GREM2: variants seen among roughly 807,000 people sequenced by gnomAD.
GREM2 encodes gremlin 2, DAN family BMP antagonist.
A neutral mutation model predicts 14.2 loss-of-function variants in GREM2; 11 were observed. The ratio of observed to expected loss-of-function variants is 0.78; its 90% CI spans 0.49 to 1.28. GREM2 has a LOEUF of 1.28. Among genes scored for constraint, GREM2 ranks in the 50% most tolerant of loss-of-function variants. The pLI, the probability that GREM2 is intolerant of heterozygous loss-of-function variation, is 0.00. For synonymous variants in GREM2, 98 were observed against 97.6 expected, an observed-to-expected ratio of 1.00 and a Z score of -0.02; for missense variants, 210 against 218.5, an observed-to-expected ratio of 0.96 and a Z score of 0.24.
intron 1 of GREM2, among the ~76,000 whole-genome samples, chr1:240,536,724 T>C (rs1469847155): frequency 8.3e-6 from 1 of 120,118 alleles, no homozygotes; most frequent in Non-Finnish European, 1.8e-5. Flanking sequence ...ATCTGTAGAG[T>C]TTAAGACAAA....
At chr1:240,563,001 TATGTGA>T (rs1265224342) in intron 1 of GREM2, among the ~76,000 whole-genome samples, 3 of 130,104 alleles carry the variant, frequency 2.3e-5, no homozygotes, top group African/African-American at 1.2e-4. Context: ...TATGTGTGTA[TATGTGA>T]GTGTATGTGT....
At chr1:240,522,839 G>A (rs779839452) in intron 1 of GREM2, among the ~76,000 whole-genome samples, 8 of 152,074 alleles carry the variant, frequency 5.3e-5, no homozygotes, top group Non-Finnish European at 1.2e-4. Context: ...CAAAGAACAA[G>A]AGGCCACGAA....
At chr1:240,532,209 G>A (rs1267729418) in intron 1 of GREM2, among the ~76,000 whole-genome samples, 3 of 152,046 alleles carry the variant, frequency 2.0e-5, no homozygotes, top group Non-Finnish European at 2.9e-5. Context: ...TCAGTCTCCC[G>A]AATAGCTGGG....
chr1:240,519,584 T>G (rs1678032680), intron 1 of GREM2, among the ~76,000 whole-genome samples: 1 of 152,208 alleles, frequency 6.6e-6, no homozygotes, highest in South Asian at 2.1e-4. Flanking sequence ...GAAAGCATAT[T>G]TGTTTTGATA....
At chr1:240,536,422 T>A (rs937066335) in intron 1 of GREM2, among the ~76,000 whole-genome samples, 2 of 152,074 alleles carry the variant, frequency 1.3e-5, no homozygotes, top group Non-Finnish European at 2.9e-5. Flanking sequence ...CTAAAGAAAA[T>A]GTGCAGGGAT....
intron 1 of GREM2, among the ~76,000 whole-genome samples, chr1:240,539,791 ATC>A (rs1678547072): frequency 6.6e-6 from 1 of 152,226 alleles, no homozygotes; most frequent in Non-Finnish European, 1.5e-5. Flanking sequence ...AGTAATCTAC[ATC>A]TCTGAATTGC....
rs565798490 is a variant in GREM2, at chr1:240,535,129, CAAT to C, written c.-1-41656_-1-41654del. Among the ~76,000 whole-genome samples, 319 of 152,114 alleles carry C rather than the reference CAAT, an allele frequency of 2.1e-3. 1 individual carries two copies. Among genetic ancestry groups the C allele is most frequent in the African/African-American group, 7.4e-3 (306 of 41,502 alleles). On this transcript the variant is annotated intron_variant, in intron 1 of 1. Coordinates refer to ENST00000318160, the MANE Select transcript of GREM2 (RefSeq NM_022469.4). ...TATTAGTTAAATATAATTATAAAGA[CAAT>C]AATAATAAAATTATAGTTGTGAGCA...
chr1:240,553,446 T>A (rs1420409801), intron 1 of GREM2, among the ~76,000 whole-genome samples: 1 of 152,238 alleles, frequency 6.6e-6, no homozygotes, highest in African/African-American at 2.4e-5. Context: ...GGTCCCTACA[T>A]ACTCATCAAT....
chr1:240,541,241 C>T (rs1678579968), intron 1 of GREM2, among the ~76,000 whole-genome samples: 1 of 152,084 alleles, frequency 6.6e-6, no homozygotes, highest in Admixed American at 6.5e-5. Context: ...GAGAGGAGCC[C>T]CACAGGGTCC....
In GREM2 at chr1:240,542,243, C is replaced by T. The variant is rs1678606201; in HGVS notation, c.-1-48767G>A. On this transcript the variant is annotated intron_variant, in intron 1 of 1. Coordinates refer to ENST00000318160, the MANE Select transcript of GREM2 (RefSeq NM_022469.4). This position sits in a 1 kb window ranked among gnomAD's most constrained non-coding sequence, Gnocchi z 4.1. The stretch of plus-strand genomic sequence containing the variant: ...GATGTGCTACCTGATCACATCTCTC[C>T]AGACCTGTGGAATTCAGAGGTATCT... 6.6e-6 allele frequency among the ~76,000 whole-genome samples: 1 copy of T among 152,070 alleles called. No homozygotes were observed. The highest frequency in any genetic ancestry group is 2.4e-5 in the African/African-American group (1 of 41,378).
chr1:240,533,506 T>C (rs1678407925), intron 1 of GREM2, among the ~76,000 whole-genome samples: 1 of 152,180 alleles, frequency 6.6e-6, no homozygotes. Context: ...CCTTTGAGAA[T>C]TTTAAGCATA....
chr1:240,571,936 C>T (rs1558167474), intron 1 of GREM2, among the ~76,000 whole-genome samples: 3 of 152,132 alleles, frequency 2.0e-5, no homozygotes, highest in Admixed American at 2.0e-4. Flanking sequence ...TCTCCCATTT[C>T]GGAGACATTC....
At chr1:240,527,306 CTATT>C (rs1678246872) in intron 1 of GREM2, among the ~76,000 whole-genome samples, 1 of 152,156 alleles carries the variant, frequency 6.6e-6, no homozygotes, top group Non-Finnish European at 1.5e-5. Flanking sequence ...TAACTTGAAA[CTATT>C]TATAGGACTC....
At chr1:240,575,000 G>A (rs1029369518) in intron 1 of GREM2, among the ~76,000 whole-genome samples, 1 of 151,918 alleles carries the variant, frequency 6.6e-6, no homozygotes, top group Non-Finnish European at 1.5e-5. Flanking sequence ...CCAGGTACTC[G>A]GGAGGCTGAG....
intron 1 of GREM2, among the ~76,000 whole-genome samples, chr1:240,547,558 CAGAT>C (rs1271615167): frequency 7.0e-6 from 1 of 142,224 alleles, no homozygotes. Context: ...GATAGATAGA[CAGAT>C]AGATATGAAT....
chr1:240,574,352 A>G (rs1225097627), intron 1 of GREM2, among the ~76,000 whole-genome samples: 1 of 152,190 alleles, frequency 6.6e-6, no homozygotes, highest in Non-Finnish European at 1.5e-5. Context: ...CTTAGAAAAG[A>G]ACCTACTAGT....
At chr1:240,500,087 T>C (rs1391075847) in intron 1 of GREM2, among the ~76,000 whole-genome samples, 1 of 152,220 alleles carries the variant, frequency 6.6e-6, no homozygotes, top group Non-Finnish European at 1.5e-5. Context: ...CAATAGGTAC[T>C]CACCAGAAAG....
At chr1:240,545,861 C>T (rs969222527) in intron 1 of GREM2, among the ~76,000 whole-genome samples, 1 of 152,076 alleles carries the variant, frequency 6.6e-6, no homozygotes, top group Non-Finnish European at 1.5e-5. Flanking sequence ...TTGGTGCATC[C>T]GGAGCACCCC....
At chr1:240,534,401 T>C (rs1558152637) in intron 1 of GREM2, among the ~76,000 whole-genome samples, 1 of 151,818 alleles carries the variant, frequency 6.6e-6, no homozygotes, top group Non-Finnish European at 1.5e-5. Flanking sequence ...GTTAAGAGAG[T>C]GCAAAAGGCC....
Sources: allele counts gnomAD v4.1 joint callset (sites outside exome capture counted in the v4.1 genomes callset), GRCh38; gene constraint gnomAD v4.1.1; non-coding constraint Gnocchi (gnomAD v3.1); transcripts MANE v1.5; gene names NCBI Gene and HGNC (gene_info 2026-07-23, HGNC 2026-07-21).